The following STAU2 variants were observed in gnomAD, a reference collection of about 807,000 sequenced individuals.
STAU2 encodes double-stranded RNA-binding protein Staufen homolog 2.
STAU2 carries 20 observed loss-of-function variants against 65.9 expected under a neutral mutation model. The observed-to-expected ratio is 0.30, with a 90% CI of 0.21 to 0.44. The LOEUF (loss-of-function observed/expected upper bound fraction) is 0.44. STAU2 is among the 20% of genes least tolerant of loss of function. The pLI, the probability that STAU2 is intolerant of heterozygous loss-of-function variation, is 1.00. For missense variants in STAU2, 558 were observed against 683.9 expected (o/e 0.82, Z 2.05); for synonymous variants, 232 against 233.9 (o/e 0.99, Z 0.07).
intron 13 of STAU2, among the ~76,000 whole-genome samples, chr8:73,481,288 C>A (rs968241593): frequency 6.6e-6 from 1 of 151,830 alleles, no homozygotes; most frequent in African/African-American, 2.4e-5. Context: ...GCACAGCCAG[C>A]GCAAAGCCAG....
chr8:73,745,126 T>G (rs1807181654), intron 1 of STAU2, among the ~76,000 whole-genome samples: 2 of 152,262 alleles, frequency 1.3e-5, no homozygotes, highest in African/African-American at 4.8e-5. Context: ...AATAGTGACT[T>G]GACTTGAAAC....
intron 13 of STAU2, among the ~76,000 whole-genome samples, chr8:73,426,926 A>AT (rs34400355): frequency 0.15 from 19,322 of 129,918 alleles, 1,795 homozygotes; most frequent in East Asian, 0.41. Flanking sequence ...ATTTTTAAAG[A>AT]TTTTTTTTTT....
chr8:73,557,810 T>C (rs921762550), intron 12 of STAU2, among the ~76,000 whole-genome samples: 1 of 152,150 alleles, frequency 6.6e-6, no homozygotes, highest in African/African-American at 2.4e-5. Flanking sequence ...TCTGAAGAGG[T>C]CCTGAACCCA....
In STAU2 at chr8:73,432,666, G is replaced by A. The variant is rs114928747; in HGVS notation, c.1531-9964C>T. The stretch of plus-strand genomic sequence containing the variant: ...ATGACTTTTTGTTAAATAAAAAAAG[G>A]ATTATATTGAGCTTGAGTTAACCCA... On this transcript the variant is annotated intron_variant, in intron 13 of 14. Transcript: ENST00000524300. 7.9e-3 allele frequency among the ~76,000 whole-genome samples: 1,196 copies of A among 152,218 alleles called. 14 individuals carry two copies. The highest frequency in any genetic ancestry group is 0.027 in the African/African-American group (1,116 of 41,540).
chr8:73,487,315 T>G (rs1311221959), intron 13 of STAU2, among the ~76,000 whole-genome samples: 3 of 152,058 alleles, frequency 2.0e-5, no homozygotes, highest in Non-Finnish European at 4.4e-5. Flanking sequence ...GAGTGGAGGT[T>G]GGCAAATGTG....
chr8:73,712,649 T>G (rs1033635494), intron 3 of STAU2, among the ~76,000 whole-genome samples: 2 of 152,180 alleles, frequency 1.3e-5, no homozygotes, highest in African/African-American at 4.8e-5. Flanking sequence ...ATAAATTGAT[T>G]TTACTCATAC....
intron 6 of STAU2, among the ~76,000 whole-genome samples, chr8:73,666,501 T>C (rs868051965): frequency 6.6e-6 from 1 of 152,224 alleles, no homozygotes. Flanking sequence ...TAAGTAAGTG[T>C]CTAATTCTGG....
chr8:73,687,107 A>G (rs1318792025), intron 5 of STAU2, among the ~76,000 whole-genome samples: 1 of 144,834 alleles, frequency 6.9e-6, no homozygotes, highest in African/African-American at 2.5e-5. Context: ...TGGCCAGGCT[A>G]TATATAAATA....
In STAU2 at chr8:73,527,128, T is replaced by C. The variant is rs1445479560; in HGVS notation, c.1530+24884A>G. Among the ~76,000 whole-genome samples, 4 of 152,246 alleles carry C rather than the reference T, an allele frequency of 2.6e-5. No individual in the cohort carries two copies. The East Asian group carries it at 5.8e-4, about 22-fold the overall frequency. The stretch of plus-strand genomic sequence containing the variant: ...GCCTATGGTATTCAGCAAAGTAACA[T>C]GCTGTACACGTTTGTAGTGGGAGCA... On this transcript the variant is annotated intron_variant, in intron 13 of 14. Coordinates refer to ENST00000524300, the MANE Select transcript of STAU2 (RefSeq NM_001164380.2).
At chr8:73,488,562 G>A (rs1821025183) in intron 13 of STAU2, among the ~76,000 whole-genome samples, 1 of 151,912 alleles carries the variant, frequency 6.6e-6, no homozygotes, top group African/African-American at 2.4e-5. Flanking sequence ...TTAAAGATCA[G>A]TCTTTTAAAT....
At chr8:73,426,577 G>A (rs942812794) in intron 13 of STAU2, among the ~76,000 whole-genome samples, 2 of 152,062 alleles carry the variant, frequency 1.3e-5, no homozygotes, top group Non-Finnish European at 2.9e-5. Context: ...AACTTTCTGT[G>A]CCCTGCTCAT....
chr8:73,746,766 C>G lies in STAU2; in HGVS notation c.-197+17G>C. 8.1e-7 allele frequency: 1 copy of G among 1,227,082 alleles called. No individual in the cohort carries two copies. Among genetic ancestry groups the G allele is most frequent in the Non-Finnish European group, 1.0e-6 (1 of 982,418 alleles). 76.0% of individuals were successfully genotyped at this position (1,227,082 alleles called of 1,614,324 possible). On this transcript the variant is annotated intron_variant, in intron 1 of 14. Transcript: ENST00000524300. ...GGAAGTCGGGGTCTCCCGGACGCCC[C>G]CGATGAGGGTATTTACCTTCTTGCC...
intron 13 of STAU2, among the ~76,000 whole-genome samples, chr8:73,428,548 C>T (rs561927100): frequency 6.6e-6 from 1 of 152,316 alleles, no homozygotes; most frequent in Admixed American, 6.5e-5. Flanking sequence ...GGAAATGGAA[C>T]TGTGCAATGT....
At chr8:73,599,956 G>C (rs1224614686) in intron 10 of STAU2, among the ~76,000 whole-genome samples, 1 of 152,206 alleles carries the variant, frequency 6.6e-6, no homozygotes, top group East Asian at 1.9e-4. Flanking sequence ...TTTTAGTAGA[G>C]ACGGGGTTTC....
chr8:73,695,972 G>A (rs540751768), intron 4 of STAU2, among the ~76,000 whole-genome samples: 31 of 152,256 alleles, frequency 2.0e-4, no homozygotes, highest in Non-Finnish European at 4.3e-4. Context: ...AAGGGCCTTG[G>A]GCAAGGCCAG....
intron 4 of STAU2, among the ~76,000 whole-genome samples, chr8:73,695,162 C>T (rs1010885163): frequency 6.6e-6 from 1 of 152,296 alleles, no homozygotes; most frequent in Admixed American, 6.5e-5. Context: ...CATCCCTCCC[C>T]TAACCCCAGG....
chr8:73,545,454 T>C (rs1019481160), intron 13 of STAU2, among the ~76,000 whole-genome samples: 1 of 152,180 alleles, frequency 6.6e-6, no homozygotes, highest in Non-Finnish European at 1.5e-5. Flanking sequence ...TTGATGTGAC[T>C]ATATTAAGAT....
chr8:73,665,060 T>C (rs1019803253), intron 6 of STAU2, among the ~76,000 whole-genome samples: 2 of 152,196 alleles, frequency 1.3e-5, no homozygotes, highest in African/African-American at 4.8e-5. Context: ...CTCTTCCTCA[T>C]CCTTGCTTTG....
chr8:73,695,101 G>A (rs1253249489), intron 4 of STAU2, among the ~76,000 whole-genome samples: 2 of 152,126 alleles, frequency 1.3e-5, no homozygotes, highest in Non-Finnish European at 2.9e-5. Context: ...AACTAGGATG[G>A]CACGCAACCT....
Sources: allele counts gnomAD v4.1 joint callset (sites outside exome capture counted in the v4.1 genomes callset), GRCh38; gene constraint gnomAD v4.1.1; transcripts MANE v1.5; gene names NCBI Gene and HGNC (gene_info 2026-07-23, HGNC 2026-07-21).